ATXN1: variants seen among roughly 807,000 people sequenced by gnomAD.
ATXN1 encodes ataxin 1.
In ATXN1, 8 loss-of-function variants were observed where a neutral mutation model predicts 56.4. The observed-to-expected ratio is 0.14, with a 90% CI of 0.08 to 0.26. The LOEUF is 0.26. Among genes scored for constraint, ATXN1 ranks in the 10% least tolerant of loss-of-function variants. The pLI is 1.00. For synonymous variants in ATXN1, 514 were observed against 494.6 expected (o/e 1.04, Z -0.52); for missense variants, 987 against 1,106.5 (o/e 0.89, Z 1.53).
At chr6:16,598,232 C>A (rs1213482082) in intron 3 of ATXN1, among the ~76,000 whole-genome samples, 1 of 152,126 alleles carries the variant, frequency 6.6e-6, no homozygotes, top group Non-Finnish European at 1.5e-5. Context: ...CTTGTCACAA[C>A]CTGCCGGAAC....
chr6:16,654,748 A>T (rs183797765), intron 3 of ATXN1, among the ~76,000 whole-genome samples: 8 of 152,086 alleles, frequency 5.3e-5, no homozygotes, highest in Admixed American at 5.2e-4. Flanking sequence ...ATGGAGAGGA[A>T]GATACAGGAT....
chr6:16,456,907 A>T (rs1759887858), intron 6 of ATXN1, among the ~76,000 whole-genome samples: 1 of 152,204 alleles, frequency 6.6e-6, no homozygotes, highest in East Asian at 1.9e-4. Flanking sequence ...CCCTCCTCAG[A>T]CTAGCAGACC....
chr6:16,703,392 A>G (rs1388153154), intron 2 of ATXN1, among the ~76,000 whole-genome samples: 1 of 152,206 alleles, frequency 6.6e-6, no homozygotes, highest in Non-Finnish European at 1.5e-5. Flanking sequence ...ATGACGATTT[A>G]ATGGGTGCAG....
At chr6:16,551,555 G>A (rs1003660873) in intron 4 of ATXN1, among the ~76,000 whole-genome samples, 2 of 152,314 alleles carry the variant, frequency 1.3e-5, no homozygotes, top group South Asian at 4.1e-4. Flanking sequence ...GGTGGAGGGT[G>A]TCAAAGGTCT....
At chr6:16,390,342 C>T (rs1758327050) in intron 6 of ATXN1, among the ~76,000 whole-genome samples, 2 of 152,140 alleles carry the variant, frequency 1.3e-5, no homozygotes, top group South Asian at 4.1e-4. Context: ...CCCTCCATGC[C>T]CTGCATCTTG....
intron 6 of ATXN1, among the ~76,000 whole-genome samples, chr6:16,409,390 T>C (rs1758751935): frequency 6.6e-6 from 1 of 152,142 alleles, no homozygotes; most frequent in Non-Finnish European, 1.5e-5. Flanking sequence ...CCGTGGCTCA[T>C]GCCTCTAATC....
At chr6:16,607,075 A>G (rs1763023414) in intron 3 of ATXN1, among the ~76,000 whole-genome samples, 1 of 78,260 alleles carries the variant, frequency 1.3e-5, no homozygotes, top group African/African-American at 4.0e-5. Context: ...TTTAGTAGAG[A>G]TGGGGTTTCA....
chr6:16,524,077 C>A (rs1317067654), intron 4 of ATXN1, among the ~76,000 whole-genome samples: 2 of 152,186 alleles, frequency 1.3e-5, no homozygotes, highest in Non-Finnish European at 2.9e-5. Flanking sequence ...AGCTTTCCCG[C>A]CCTTTTCATC....
intron 4 of ATXN1, among the ~76,000 whole-genome samples, chr6:16,554,608 C>A (rs956251282): frequency 6.6e-6 from 1 of 152,146 alleles, no homozygotes; most frequent in Non-Finnish European, 1.5e-5. Context: ...CCCGCCACCA[C>A]GCCCGGCTAA....
intron 6 of ATXN1, among the ~76,000 whole-genome samples, chr6:16,334,817 G>A (rs914709127): frequency 3.3e-5 from 5 of 152,238 alleles, no homozygotes; most frequent in African/African-American, 9.6e-5. Flanking sequence ...GCAAAGGCAC[G>A]TGGGAAGGAT....
At position 16,347,914 on chromosome 6, in the gene ATXN1, T is replaced by C. The variant is rs1761460030; in HGVS notation, c.-160-19444A>G. ...TTTGCAATAAATCTTGCTGCTGCTG[T>C]TCACTCTTTGGATCTATACTGCCTG... On this transcript the variant is annotated intron_variant, in intron 6 of 7. Coordinates refer to ENST00000436367, the MANE Select transcript of ATXN1 (RefSeq NM_001128164.2). 2.6e-5 allele frequency among the ~76,000 whole-genome samples: 4 copies of C among 152,202 alleles called. No homozygotes were observed. In the South Asian group the frequency reaches 6.2e-4, roughly 24 times the overall value.
chr6:16,628,769 T>C (rs1230247509), intron 3 of ATXN1, among the ~76,000 whole-genome samples: 1 of 152,188 alleles, frequency 6.6e-6, no homozygotes, highest in Non-Finnish European at 1.5e-5. Context: ...CTCCAGCTCC[T>C]TCCATACTCC....
intron 6 of ATXN1, among the ~76,000 whole-genome samples, chr6:16,409,804 T>A (rs187732901): frequency 1.3e-4 from 19 of 145,278 alleles, no homozygotes; most frequent in African/African-American, 4.6e-4. Flanking sequence ...CAGCCTCACA[T>A]GTCTTGGTTT....
intron 2 of ATXN1, among the ~76,000 whole-genome samples, chr6:16,698,650 T>TA (rs11311429): frequency 0.042 from 5,668 of 135,114 alleles, 220 homozygotes; most frequent in African/African-American, 0.11. Flanking sequence ...CCTCAAAAAT[T>TA]AAAAAAAAAA....
intron 6 of ATXN1, among the ~76,000 whole-genome samples, chr6:16,402,678 C>T (rs1758602586): frequency 6.6e-6 from 1 of 152,172 alleles, no homozygotes; most frequent in Admixed American, 6.5e-5. Flanking sequence ...CAGACCACTC[C>T]TGTTCTCATT....
chr6:16,562,532 A>AAAAAG (rs1169853337), intron 4 of ATXN1, among the ~76,000 whole-genome samples: 3 of 151,912 alleles, frequency 2.0e-5, no homozygotes, highest in Non-Finnish European at 2.9e-5. Context: ...GAAACAAAAG[A>AAAAAG]AAAAGAAAAG....
chr6:16,512,113 C>G (rs1020871982), intron 5 of ATXN1, among the ~76,000 whole-genome samples: 1 of 152,074 alleles, frequency 6.6e-6, no homozygotes, highest in African/African-American at 2.4e-5. Context: ...GCCTCCCCGC[C>G]TCCATTCAGC....
At chr6:16,330,374 T>TTTCC (rs200726411) in intron 6 of ATXN1, among the ~76,000 whole-genome samples, 4 of 149,974 alleles carry the variant, frequency 2.7e-5, no homozygotes, top group Admixed American at 6.7e-5. Flanking sequence ...CAATGATTTT[T>TTTCC]TTCCTTCCTT....
At chr6:16,654,538 C>A (rs922597415) in intron 3 of ATXN1, among the ~76,000 whole-genome samples, 2 of 102,264 alleles carry the variant, frequency 2.0e-5, no homozygotes, top group Admixed American at 2.3e-4. Flanking sequence ...CAAGACTCTG[C>A]CTTAAAAAAA....
Sources: allele counts gnomAD v4.1 joint callset (sites outside exome capture counted in the v4.1 genomes callset), GRCh38; gene constraint gnomAD v4.1.1; transcripts MANE v1.5; gene names NCBI Gene and HGNC (gene_info 2026-07-23, HGNC 2026-07-21).